SPAG16: variants seen among roughly 807,000 people sequenced by gnomAD.
SPAG16 encodes sperm-associated antigen 16 protein.
SPAG16 carries 86 observed loss-of-function variants against 80.4 expected under a neutral mutation model. The observed-to-expected ratio is 1.07, with a 90% confidence interval of 0.90 to 1.28. The LOEUF is 1.28. SPAG16 is among the 50% of genes most tolerant of loss of function. The pLI, the probability that SPAG16 is intolerant of heterozygous loss-of-function variation, is 0.00. For synonymous variants in SPAG16, 294 were observed against 265.9 expected (o/e 1.11, Z -1.03); for missense variants, 870 against 765.3 (o/e 1.14, Z -1.61).
intron 10 of SPAG16, among the ~76,000 whole-genome samples, chr2:213,721,160 C>G (rs1420355710): frequency 6.6e-6 from 1 of 152,074 alleles, no homozygotes; most frequent in African/African-American, 2.4e-5. Context: ...AGTGCAGTGG[C>G]TTGATCTCGG....
chr2:214,350,678 C>A (rs1032926823), intron 15 of SPAG16, among the ~76,000 whole-genome samples: 1 of 152,084 alleles, frequency 6.6e-6, no homozygotes, highest in African/African-American at 2.4e-5. Context: ...TTGGAAGGCT[C>A]AGATTCATCA....
At chr2:214,348,782 C>T (rs1698217974) in intron 15 of SPAG16, among the ~76,000 whole-genome samples, 1 of 152,144 alleles carries the variant, frequency 6.6e-6, no homozygotes, top group Non-Finnish European at 1.5e-5. Context: ...TCCCCCACCG[C>T]ACCCTGTCCA....
intron 15 of SPAG16, among the ~76,000 whole-genome samples, chr2:214,309,010 C>G (rs1695111080): frequency 6.6e-6 from 1 of 151,968 alleles, no homozygotes; most frequent in Middle Eastern, 3.4e-3. Context: ...CTCCCCATCT[C>G]TTTCAGGTAC....
intron 10 of SPAG16, among the ~76,000 whole-genome samples, chr2:213,717,436 A>G (rs1402304436): frequency 6.6e-6 from 1 of 152,126 alleles, no homozygotes; most frequent in African/African-American, 2.4e-5. Flanking sequence ...CTGGGATTAC[A>G]GGTGTGAGCC....
At chr2:213,376,371 A>G (rs1185153683) in intron 9 of SPAG16, among the ~76,000 whole-genome samples, 1 of 152,072 alleles carries the variant, frequency 6.6e-6, no homozygotes, top group African/African-American at 2.4e-5. Context: ...AGATACTAAA[A>G]TATAGGAAAA....
chr2:214,107,704 AT>A, intron 13 of SPAG16, among the ~76,000 whole-genome samples: 1 of 152,172 alleles, frequency 6.6e-6, no homozygotes, highest in East Asian at 1.9e-4. Context: ...CACTGTATAT[AT>A]TTTATAAATT....
rs75538079 is a variant in SPAG16 at position 213,704,588 on chromosome 2, A to T, written c.1071-157897A>T. 1.4e-3 allele frequency among the ~76,000 whole-genome samples: 220 copies of T among 152,260 alleles called. 2 individuals are homozygous for T. Among genetic ancestry groups the T allele is most frequent in the African/African-American group, 5.0e-3 (209 of 41,548 alleles). On this transcript the variant is annotated intron_variant, in intron 10 of 15. Coordinates refer to ENST00000331683, the MANE Select transcript of SPAG16 (RefSeq NM_024532.5). ...CCCACAAATGTTAACCACTATGATT[A>T]CTTATTCATTTTCAAAGTTGAACAA...
chr2:214,403,680 T>G (rs1232629724), intron 15 of SPAG16, among the ~76,000 whole-genome samples: 2 of 152,104 alleles, frequency 1.3e-5, no homozygotes, highest in Admixed American at 6.6e-5. Context: ...GCTTGGCAAA[T>G]AATATGTACT....
chr2:213,436,042 A>C (rs1272144616), intron 9 of SPAG16, among the ~76,000 whole-genome samples: 3 of 152,190 alleles, frequency 2.0e-5, no homozygotes, highest in Non-Finnish European at 4.4e-5. Context: ...TAGATGACTG[A>C]GAACTACACT....
chr2:213,974,721 G>A lies in SPAG16; in HGVS notation c.1401-39230G>A, dbSNP rs903280050. Among the ~76,000 whole-genome samples, 9 of 151,794 alleles carry A rather than the reference G, an allele frequency of 5.9e-5. No individual in the cohort carries two copies. In the East Asian group the frequency reaches 1.3e-3, roughly 23 times the overall value. On this transcript the variant is annotated intron_variant, in intron 12 of 15. Coordinates refer to ENST00000331683, the MANE Select transcript of SPAG16 (RefSeq NM_024532.5). Reference sequence around the variant, plus strand: ...CTGCTCATGTAACTCTCTGTTACACGTCTGCCAGCCTGTCAGTTAAGTACC... The same window carrying A: ...CTGCTCATGTAACTCTCTGTTACACATCTGCCAGCCTGTCAGTTAAGTACC...
chr2:213,992,678 CATA>C (rs143888958), intron 12 of SPAG16, among the ~76,000 whole-genome samples: 1 of 152,042 alleles, frequency 6.6e-6, no homozygotes, highest in East Asian at 1.9e-4. Context: ...GCAAAAATTG[CATA>C]ATAAGTTATT....
intron 13 of SPAG16, among the ~76,000 whole-genome samples, chr2:214,099,031 CTT>C (rs1412192105): frequency 6.6e-6 from 1 of 152,000 alleles, no homozygotes; most frequent in Non-Finnish European, 1.5e-5. Context: ...TGTTATTTGA[CTT>C]TTACAGGAGT....
chr2:214,100,932 C>A (rs1394258560), intron 13 of SPAG16, among the ~76,000 whole-genome samples: 1 of 151,908 alleles, frequency 6.6e-6, no homozygotes, highest in Non-Finnish European at 1.5e-5. Flanking sequence ...AGTGGACTCA[C>A]TTCATATTTT....
At chr2:213,802,721 T>C (rs531134290) in intron 10 of SPAG16, among the ~76,000 whole-genome samples, 1 of 152,304 alleles carries the variant, frequency 6.6e-6, no homozygotes, top group Admixed American at 6.5e-5. Context: ...AAGAATAAAA[T>C]ATATAAACTG....
chr2:213,594,631 T>C (rs747718142), intron 10 of SPAG16, among the ~76,000 whole-genome samples: 12 of 152,220 alleles, frequency 7.9e-5, no homozygotes, highest in Non-Finnish European at 1.5e-4. Context: ...ACTAAGTGAT[T>C]ACTCCTGTGG....
Position 213,820,928 on chromosome 2 carries a change from G to A in SPAG16, c.1071-41557G>A, listed in dbSNP as rs1475962786. Among the ~76,000 whole-genome samples, 5 of 152,088 alleles carry A rather than the reference G, an allele frequency of 3.3e-5. No individual in the cohort carries two copies. In the East Asian group the frequency reaches 7.7e-4, roughly 23 times the overall value. On this transcript the variant is annotated intron_variant, in intron 10 of 15. Coordinates refer to ENST00000331683, the MANE Select transcript of SPAG16 (RefSeq NM_024532.5). ...TGTACTAAGTTTGCCCATTGGGCAA[G>A]GATCTGGGCATAAAATGCTCCAAAA... is the stretch of plus-strand genomic sequence containing the variant.
chr2:213,407,805 CAG>C (rs368016848), intron 9 of SPAG16, among the ~76,000 whole-genome samples: 6,509 of 89,760 alleles, frequency 0.073, 922 homozygotes, highest in African/African-American at 0.26. Context: ...ACAGGAGAGG[CAG>C]AGAGAGAGAG....
chr2:214,404,944 C>A (rs1486306565), intron 15 of SPAG16, among the ~76,000 whole-genome samples: 2 of 152,022 alleles, frequency 1.3e-5, no homozygotes. Context: ...TATATAGTGA[C>A]TTTTGCAAGA....
intron 10 of SPAG16, among the ~76,000 whole-genome samples, chr2:213,646,823 A>G (rs796164669): frequency 5.0e-4 from 76 of 152,324 alleles, no homozygotes; most frequent in African/African-American, 1.8e-3. Context: ...CTCTCTTCAC[A>G]ATAGCACATC....
Sources: gnomAD v4.1 joint callset for allele counts (sites outside exome capture counted in the v4.1 genomes callset) on GRCh38, gnomAD v4.1.1 for gene constraint, MANE v1.5 for transcripts, NCBI Gene and HGNC (gene_info 2026-07-23, HGNC 2026-07-21) for gene names.